OPCML: variants seen among roughly 807,000 people sequenced by gnomAD.
The protein encoded by OPCML is opioid binding protein/cell adhesion molecule like.
In OPCML, 13 loss-of-function variants were observed where a neutral mutation model predicts 37.8. That is an observed-to-expected ratio of 0.34 (90% CI 0.22 to 0.55). The LOEUF (loss-of-function observed/expected upper bound fraction) is 0.55, where lower values mean the gene tolerates loss of function less well. Among genes scored for constraint, OPCML ranks in the 20% least tolerant of loss-of-function variants. OPCML has a pLI of 0.91. For synonymous variants in OPCML, 176 were observed against 168.8 expected (o/e 1.04, Z -0.33); for missense variants, 341 against 435.6 (o/e 0.78, Z 1.93).
At chr11:133,117,372 G>A (rs1172976334) in intron 1 of OPCML, among the ~76,000 whole-genome samples, 2 of 152,120 alleles carry the variant, frequency 1.3e-5, no homozygotes, top group Admixed American at 1.3e-4. Context: ...TTGCCCTTGA[G>A]GAGAACCTGT....
chr11:133,034,866 G>T (rs1947748874), intron 1 of OPCML, among the ~76,000 whole-genome samples: 1 of 150,050 alleles, frequency 6.7e-6, no homozygotes, highest in Non-Finnish European at 1.5e-5. Flanking sequence ...CTTTTTTTAT[G>T]CACCCCTCAT....
chr11:133,038,819 A>G (rs962989988), intron 1 of OPCML, among the ~76,000 whole-genome samples: 1 of 99,830 alleles, frequency 1.0e-5, no homozygotes, highest in African/African-American at 4.9e-5. Context: ...TGTTGCCTCT[A>G]TGTTGCCAAA....
In OPCML at chr11:133,532,258, C is replaced by A. The variant is rs762845539; in HGVS notation, c.61+6G>T. 1.2e-6 allele frequency: 2 copies of A among 1,613,720 alleles called. No individual in the cohort carries two copies. The highest frequency in any genetic ancestry group is 2.2e-5 in the East Asian group (1 of 44,850). On this transcript the variant is annotated splice_donor_region_variant and intron_variant, in intron 1 of 7. Transcript: ENST00000524381. ...GGAGAGAAAACACCCTTCCCCTGTA[C>A]GGTACCTGGGATGAAGAGCAGGGCA...
chr11:133,024,684 A>C (rs1413767102), intron 1 of OPCML: 1 of 844,472 alleles, frequency 1.2e-6, no homozygotes, highest in African/African-American at 1.8e-5. Context: ...GGTCTATGAA[A>C]GTGGTGGGGG....
At chr11:132,996,618 CAAAAAAAAA>C (rs11285711) in intron 1 of OPCML, among the ~76,000 whole-genome samples, 3 of 123,400 alleles carry the variant, frequency 2.4e-5, no homozygotes, top group African/African-American at 6.2e-5. Flanking sequence ...GGCTCCATCT[CAAAAAAAAA>C]AAAAAAAAAT....
At chr11:133,471,655 G>T (rs751814740) in intron 1 of OPCML, among the ~76,000 whole-genome samples, 5 of 152,178 alleles carry the variant, frequency 3.3e-5, no homozygotes, top group Non-Finnish European at 4.4e-5. Context: ...CGGAGTGGAA[G>T]AAGCAATAGA....
chr11:132,704,251 A>G (rs1481212811), intron 2 of OPCML, among the ~76,000 whole-genome samples: 1 of 152,254 alleles, frequency 6.6e-6, no homozygotes, highest in African/African-American at 2.4e-5. Context: ...AGGATTCAGA[A>G]CATTTCTCTC....
At chr11:133,325,515 A>G (rs934570157) in intron 1 of OPCML, among the ~76,000 whole-genome samples, 1 of 152,252 alleles carries the variant, frequency 6.6e-6, no homozygotes, top group African/African-American at 2.4e-5. Flanking sequence ...ACCAAAAAAC[A>G]GAGAGATTAT....
chr11:133,183,210 C>T (rs887910968), intron 1 of OPCML, among the ~76,000 whole-genome samples: 2 of 152,148 alleles, frequency 1.3e-5, no homozygotes, highest in African/African-American at 4.8e-5. Context: ...CTGTTTTTAG[C>T]TTAATCTTTT....
chr11:133,059,727 T>C (rs1948305124), intron 1 of OPCML, among the ~76,000 whole-genome samples: 1 of 152,194 alleles, frequency 6.6e-6, no homozygotes, highest in African/African-American at 2.4e-5. Flanking sequence ...TTTGTTTGAG[T>C]TGCAAGCTGA....
chr11:132,711,973 C>T (rs934660064), intron 2 of OPCML, among the ~76,000 whole-genome samples: 1 of 152,158 alleles, frequency 6.6e-6, no homozygotes, highest in Non-Finnish European at 1.5e-5. Flanking sequence ...TCATACGATT[C>T]CCCTGGCTCT....
At chr11:132,716,321 A>T (rs1944474500) in intron 2 of OPCML, among the ~76,000 whole-genome samples, 1 of 152,206 alleles carries the variant, frequency 6.6e-6, no homozygotes, top group Non-Finnish European at 1.5e-5. Flanking sequence ...TGCAGCGAAG[A>T]TAGTCCCTGC....
intron 2 of OPCML, among the ~76,000 whole-genome samples, chr11:132,871,930 C>T (rs1942810822): frequency 6.6e-6 from 1 of 152,230 alleles, no homozygotes; most frequent in East Asian, 1.9e-4. Flanking sequence ...ACCTGCCTCT[C>T]TGGCTGACTT....
intron 2 of OPCML, among the ~76,000 whole-genome samples, chr11:132,684,653 T>C (rs1471863025): frequency 6.6e-6 from 1 of 152,200 alleles, no homozygotes; most frequent in Non-Finnish European, 1.5e-5. Context: ...AACAAATATT[T>C]CTAGAGTGCC....
At chr11:132,479,726 C>T (rs1009502980) in intron 4 of OPCML, among the ~76,000 whole-genome samples, 6 of 152,166 alleles carry the variant, frequency 3.9e-5, no homozygotes, top group African/African-American at 1.2e-4. Context: ...CCCTGACCCC[C>T]AAGCAGCCTA....
intron 1 of OPCML, chr11:133,007,642 TTC>T (rs1947137361): frequency 2.0e-6 from 2 of 985,332 alleles, no homozygotes; most frequent in Admixed American, 1.2e-4. Flanking sequence ...TGCATTTTTA[TTC>T]TCTTTCAGTC....
intron 1 of OPCML, among the ~76,000 whole-genome samples, chr11:133,279,666 C>T (rs1238896168): frequency 6.6e-6 from 1 of 152,122 alleles, no homozygotes; most frequent in Non-Finnish European, 1.5e-5. Flanking sequence ...GGTGTCTCTA[C>T]CAGCCTGGCC....
chr11:132,975,560 A>C (rs1946444626), intron 1 of OPCML, among the ~76,000 whole-genome samples: 5 of 65,640 alleles, frequency 7.6e-5, no homozygotes, highest in Admixed American at 2.1e-4. Flanking sequence ...AAAAAAAAAA[A>C]AAAAAAAAAA....
At chr11:132,714,272 A>T (rs1022436602) in intron 2 of OPCML, among the ~76,000 whole-genome samples, 6 of 152,206 alleles carry the variant, frequency 3.9e-5, no homozygotes, top group Admixed American at 6.5e-5. Flanking sequence ...AATTTTTAAA[A>T]ATCTGAATAA....
Sources: gnomAD v4.1 joint callset for allele counts (sites outside exome capture counted in the v4.1 genomes callset) on GRCh38, gnomAD v4.1.1 for gene constraint, MANE v1.5 for transcripts, NCBI Gene and HGNC (gene_info 2026-07-23, HGNC 2026-07-21) for gene names.